Variants in ADAMTS12 observed in about 807,000 individuals in gnomAD.
ADAMTS12 encodes A disintegrin and metalloproteinase with thrombospondin motifs 12.
A neutral mutation model predicts 167.8 loss-of-function variants in ADAMTS12; 118 were observed. That is an observed-to-expected ratio of 0.70 (90% CI 0.61 to 0.82). The LOEUF (loss-of-function observed/expected upper bound fraction) is 0.82. ADAMTS12 is among the 40% of genes least tolerant of loss of function. The probability of loss-of-function intolerance (pLI) is 0.00; values close to 1 mark genes in which losing one functional copy is unlikely to be tolerated. For missense variants in ADAMTS12, 1,916 were observed against 1,998.8 expected (o/e 0.96, Z 0.79); for synonymous variants, 704 against 716.9 (o/e 0.98, Z 0.29).
intron 3 of ADAMTS12, 92 bp downstream of exon 3, chr5:33,751,312 G>A: frequency 6.6e-7 from 1 of 1,505,446 alleles, no homozygotes; most frequent in Non-Finnish European, 9.2e-7. Context: ...GAGGAGATAA[G>A]AGACTTGAGT....
intron 21 of ADAMTS12, among the ~76,000 whole-genome samples, 187 bp from the exon 22 acceptor site, chr5:33,546,389 G>C (rs1480157392): frequency 1.3e-5 from 2 of 151,960 alleles, no homozygotes; most frequent in Non-Finnish European, 1.5e-5. Flanking sequence ...AAAAAAAAGG[G>C]GGGGAAACAA....
intron 3 of ADAMTS12, among the ~76,000 whole-genome samples, chr5:33,745,903 C>T (rs569202789): frequency 9.9e-5 from 15 of 152,180 alleles, no homozygotes; most frequent in Non-Finnish European, 1.8e-4. Flanking sequence ...AAGCATTTCC[C>T]CAAATTTTCA....
At chr5:33,627,376 G>A (rs149668162) in intron 13 of ADAMTS12, among the ~76,000 whole-genome samples, 1 of 69,482 alleles carries the variant, frequency 1.4e-5, no homozygotes, top group Non-Finnish European at 2.7e-5. Flanking sequence ...GGTGTTGATG[G>A]TGGTGGTGGG....
At chr5:33,827,702 G>T (rs190895784) in intron 2 of ADAMTS12, among the ~76,000 whole-genome samples, 1 of 137,422 alleles carries the variant, frequency 7.3e-6, no homozygotes, top group East Asian at 2.1e-4. Flanking sequence ...TGTCCTTGGA[G>T]AAAACAAAAT....
At chr5:33,812,367 T>C (rs1264119029) in intron 2 of ADAMTS12, among the ~76,000 whole-genome samples, 1 of 152,158 alleles carries the variant, frequency 6.6e-6, no homozygotes, top group Non-Finnish European at 1.5e-5. Flanking sequence ...TTTAGGCAAG[T>C]TGGTTTCTTA....
chr5:33,564,656 T>TCACTCTCATCTATTGGGC (rs1329021896), intron 19 of ADAMTS12, among the ~76,000 whole-genome samples: 11 of 152,186 alleles, frequency 7.2e-5, no homozygotes, highest in African/African-American at 2.7e-4. Context: ...CCCAGGTCCT[T>TCACTCTCATCTATTGGGC]CACTCTCATC....
At chr5:33,611,291 T>G (rs912286182) in intron 16 of ADAMTS12, among the ~76,000 whole-genome samples, 3 of 151,642 alleles carry the variant, frequency 2.0e-5, no homozygotes, top group African/African-American at 7.3e-5. Context: ...GGGGAAAAAG[T>G]GAAGGAAGTG....
intron 3 of ADAMTS12, among the ~76,000 whole-genome samples, chr5:33,747,295 T>C (rs1220838560): frequency 6.6e-6 from 1 of 152,172 alleles, no homozygotes; most frequent in Non-Finnish European, 1.5e-5. Context: ...AAGCCATAGA[T>C]TTAGGGCCCA....
intron 22 of ADAMTS12, among the ~76,000 whole-genome samples, chr5:33,545,223 A>G (rs1006665920): frequency 1.3e-5 from 2 of 152,142 alleles, no homozygotes; most frequent in Admixed American, 6.5e-5. Context: ...CAGTTCTCAA[A>G]AGAAGACATT....
intron 12 of ADAMTS12, among the ~76,000 whole-genome samples, chr5:33,632,204 C>G (rs923522481): frequency 7.2e-5 from 11 of 152,012 alleles, no homozygotes; most frequent in African/African-American, 2.7e-4. Context: ...ATTGGATACC[C>G]ATAGAGATAA....
At position 33,721,237 on chromosome 5, in the gene ADAMTS12, C is replaced by T. The variant is rs75181343; in HGVS notation, c.634+30167G>A. On this transcript the variant is annotated intron_variant, in intron 3 of 23. Coordinates refer to ENST00000504830, the MANE Select transcript of ADAMTS12 (RefSeq NM_030955.4). ...AGGGATGACTAGAATAAAGAGGCCC[C>T]GGAGAGTCTTCTGGGAGCTTGTCAT... 1.9e-4 allele frequency among the ~76,000 whole-genome samples: 29 copies of T among 152,256 alleles called. No homozygotes were observed. In the East Asian group the frequency reaches 3.9e-3, roughly 20 times the overall value.
chr5:33,545,135 T>C (rs1744907154), intron 22 of ADAMTS12, among the ~76,000 whole-genome samples: 1 of 152,152 alleles, frequency 6.6e-6, no homozygotes, highest in South Asian at 2.1e-4. Context: ...ATATCCAGAA[T>C]CTGCAAAGAA....
chr5:33,542,927 G>A (rs534295097), intron 22 of ADAMTS12, among the ~76,000 whole-genome samples: 1 of 152,164 alleles, frequency 6.6e-6, no homozygotes, highest in South Asian at 2.1e-4. Context: ...ATCTAAAATC[G>A]ACACCCTAAC....
chr5:33,873,166 T>TAAAAAA (rs77165421), intron 2 of ADAMTS12, among the ~76,000 whole-genome samples: 1 of 120,842 alleles, frequency 8.3e-6, no homozygotes. Context: ...TATGTAGATT[T>TAAAAAA]AAAAAAAAAA....
intron 19 of ADAMTS12, among the ~76,000 whole-genome samples, chr5:33,570,762 T>A (rs1490949141): frequency 2.7e-5 from 4 of 150,374 alleles, no homozygotes; most frequent in African/African-American, 7.3e-5. Flanking sequence ...ACTTTAAATG[T>A]AAATGGACTA....
chr5:33,652,570 C>T (rs13186184), intron 7 of ADAMTS12, among the ~76,000 whole-genome samples: 1 of 151,930 alleles, frequency 6.6e-6, no homozygotes. Context: ...TTTCTCCACT[C>T]TGTGGGTTGT....
chr5:33,841,153 A>G (rs1748731708), intron 2 of ADAMTS12, among the ~76,000 whole-genome samples: 1 of 152,110 alleles, frequency 6.6e-6, no homozygotes, highest in African/African-American at 2.4e-5. Flanking sequence ...CTGTTCAATC[A>G]GGCTTCAATA....
At chr5:33,607,261 A>G (rs1390912212) in intron 16 of ADAMTS12, among the ~76,000 whole-genome samples, 9 of 151,534 alleles carry the variant, frequency 5.9e-5, no homozygotes, top group Non-Finnish European at 1.5e-5. Flanking sequence ...CAAAAAACAA[A>G]AAGTGAAACA....
intron 2 of ADAMTS12, among the ~76,000 whole-genome samples, chr5:33,876,874 T>C (rs1305512793): frequency 6.6e-6 from 1 of 152,246 alleles, no homozygotes; most frequent in Non-Finnish European, 1.5e-5. Context: ...GGGTACATAC[T>C]AATACCTCTC....
Sources: allele counts gnomAD v4.1 joint callset (sites outside exome capture counted in the v4.1 genomes callset), GRCh38; gene constraint gnomAD v4.1.1; transcripts MANE v1.5; gene names NCBI Gene and HGNC (gene_info 2026-07-23, HGNC 2026-07-21).